TNR: variants seen among roughly 807,000 people sequenced by gnomAD.
TNR encodes the protein tenascin R, also known as tenascin-R.
A neutral mutation model predicts 150.4 loss-of-function variants in TNR; 45 were observed. The ratio of observed to expected loss-of-function variants is 0.30; its 90% CI spans 0.24 to 0.38. The LOEUF (loss-of-function observed/expected upper bound fraction) is 0.38. Among genes scored for constraint, TNR ranks in the 10% least tolerant of loss-of-function variants. TNR has a pLI of 1.00. For missense variants in TNR, 1,544 were observed against 1,759.1 expected (o/e 0.88, Z 2.19); for synonymous variants, 687 against 678.4 (o/e 1.01, Z -0.20).
At chr1:175,625,619 T>C (rs1003938585) in intron 1 of TNR, among the ~76,000 whole-genome samples, 2 of 152,234 alleles carry the variant, frequency 1.3e-5, no homozygotes, top group Admixed American at 6.5e-5. Context: ...CACCACCCTG[T>C]TCTCAATAGA....
chr1:175,403,128 T>G lies in TNR; in HGVS notation c.976+12A>C. 2 of 1,600,762 alleles carry G rather than the reference T, an allele frequency of 1.2e-6. No individual in the cohort carries two copies. Among genetic ancestry groups the G allele is most frequent in the Non-Finnish European group, 1.7e-6 (2 of 1,170,114 alleles). On this transcript the variant is annotated intron_variant, in intron 4 of 22. Coordinates refer to ENST00000367674, the MANE Select transcript of TNR (RefSeq NM_003285.3). Reference sequence around the variant, plus strand: ...ACCCTTGCCAAACACCCCAGAGAGTTCCCCTGCCTACCTGCTGAGCAGTCA... The same window carrying G: ...ACCCTTGCCAAACACCCCAGAGAGTGCCCCTGCCTACCTGCTGAGCAGTCA...
At chr1:175,581,794 A>T (rs540010794) in intron 1 of TNR, among the ~76,000 whole-genome samples, 1 of 152,182 alleles carries the variant, frequency 6.6e-6, no homozygotes, top group Non-Finnish European at 1.5e-5. Flanking sequence ...ATAAAGAAAG[A>T]TAAGGCTAGA....
At chr1:175,624,682 C>A (rs188907018) in intron 1 of TNR, among the ~76,000 whole-genome samples, 47 of 152,242 alleles carry the variant, frequency 3.1e-4, no homozygotes, top group African/African-American at 1.1e-3. Context: ...AACTGTCAGA[C>A]AATATAATTT....
intron 1 of TNR, among the ~76,000 whole-genome samples, chr1:175,649,241 T>C (rs1271391176): frequency 2.0e-5 from 3 of 152,184 alleles, no homozygotes; most frequent in African/African-American, 7.2e-5. Flanking sequence ...GATCTGCTGT[T>C]CCTTCTGCCT....
intron 1 of TNR, among the ~76,000 whole-genome samples, chr1:175,624,286 T>G (rs1350609159): frequency 1.3e-5 from 2 of 152,190 alleles, no homozygotes; most frequent in African/African-American, 4.8e-5. Flanking sequence ...GAGTGTGTGC[T>G]GGGTTGATCA....
At chr1:175,701,734 AG>A (rs1274075603) in intron 1 of TNR, among the ~76,000 whole-genome samples, 1 of 152,222 alleles carries the variant, frequency 6.6e-6, no homozygotes, top group East Asian at 1.9e-4. Flanking sequence ...GGGTGAGAGC[AG>A]GGTTTTCAGC....
chr1:175,510,688 T>C (rs772552397), intron 2 of TNR, among the ~76,000 whole-genome samples: 75 of 152,228 alleles, frequency 4.9e-4, no homozygotes, highest in Admixed American at 2.6e-4. Context: ...TATCTGGAAT[T>C]TCAAATCAAA....
At chr1:175,585,475 C>T (rs906418962) in intron 1 of TNR, among the ~76,000 whole-genome samples, 57 of 152,232 alleles carry the variant, frequency 3.7e-4, no homozygotes, top group African/African-American at 1.3e-3. Flanking sequence ...CTATTATTCC[C>T]ATTTTATGGA....
intron 1 of TNR, among the ~76,000 whole-genome samples, chr1:175,698,571 G>T (rs2101924915): frequency 6.6e-6 from 1 of 152,268 alleles, no homozygotes; most frequent in East Asian, 1.9e-4. Context: ...CGGGTGCAGT[G>T]GCTCATGCCT....
intron 1 of TNR, among the ~76,000 whole-genome samples, chr1:175,638,844 G>A (rs969121541): frequency 9.2e-5 from 14 of 152,004 alleles, no homozygotes; most frequent in African/African-American, 3.4e-4. Context: ...TCAAACAGAA[G>A]TATCAATTTT....
intron 9 of TNR, among the ~76,000 whole-genome samples, chr1:175,368,774 A>T (rs569508523): frequency 6.6e-6 from 1 of 152,150 alleles, no homozygotes; most frequent in Admixed American, 6.5e-5. Flanking sequence ...ATATGGTGAA[A>T]CCCATCTCTA....
chr1:175,674,184 C>A (rs1665788357), intron 1 of TNR, among the ~76,000 whole-genome samples: 1 of 152,110 alleles, frequency 6.6e-6, no homozygotes, highest in African/African-American at 2.4e-5. Flanking sequence ...AGGGAGGAGT[C>A]CTACCTGGGG....
chr1:175,594,897 G>T (rs1350981764), intron 1 of TNR, among the ~76,000 whole-genome samples: 1 of 151,422 alleles, frequency 6.6e-6, no homozygotes, highest in Non-Finnish European at 1.5e-5. Flanking sequence ...GGGCATGGTG[G>T]CTCAAGCCTG....
At position 175,613,256 on chromosome 1, in the gene TNR, C is replaced by T. The variant is rs192871583; in HGVS notation, c.-164-84887G>A. Reference sequence around the variant, plus strand: ...GGCTTCTGAGTCTCTGTAGCTAGGTCCTATTTTGCTAGCCAGGGCCCAAAT... The same window carrying T: ...GGCTTCTGAGTCTCTGTAGCTAGGTTCTATTTTGCTAGCCAGGGCCCAAAT... On this transcript the variant is annotated intron_variant, in intron 1 of 22. Transcript: ENST00000367674. 2.2e-4 allele frequency among the ~76,000 whole-genome samples: 34 copies of T among 152,224 alleles called. No individual in the cohort carries two copies. In the East Asian group the frequency reaches 6.2e-3, roughly 28 times the overall value.
chr1:175,426,173 G>C (rs958188253), intron 2 of TNR, among the ~76,000 whole-genome samples: 20 of 152,162 alleles, frequency 1.3e-4, no homozygotes, highest in African/African-American at 4.6e-4. Flanking sequence ...GTTTGGAGTG[G>C]TAGATTCCCT....
intron 5 of TNR, 115 bp downstream of exon 5, chr1:175,396,429 C>A (rs953230427): frequency 6.0e-6 from 8 of 1,340,046 alleles, no homozygotes; most frequent in Non-Finnish European, 8.2e-6. Context: ...CCCTCAAGGG[C>A]AATAACTATT....
At chr1:175,688,067 G>T (rs185622602) in intron 1 of TNR, among the ~76,000 whole-genome samples, 1 of 152,236 alleles carries the variant, frequency 6.6e-6, no homozygotes, top group African/African-American at 2.4e-5. Context: ...TTGGGAACAC[G>T]ATGGGAGAAC....
At position 175,702,969 on chromosome 1, in the gene TNR, A is replaced by G. The variant is rs927867705; in HGVS notation, c.-165+40257T>C. 2.0e-5 allele frequency among the ~76,000 whole-genome samples: 3 copies of G among 152,278 alleles called. No homozygotes were observed. The South Asian group carries it at 6.2e-4, about 32-fold the overall frequency. ...TCAAATATAGTAATCCAAAATATCC[A>G]TCTATAATTCTTAGCATCTGCTCTA... On this transcript the variant is annotated intron_variant, in intron 1 of 22. Transcript: ENST00000367674.
chr1:175,603,989 C>A (rs1214238111), intron 1 of TNR, among the ~76,000 whole-genome samples: 2 of 152,070 alleles, frequency 1.3e-5, no homozygotes, highest in Admixed American at 1.3e-4. Flanking sequence ...AATTTTTAAC[C>A]CTTGCTGTGG....
Sources: gnomAD v4.1 joint callset for allele counts (sites outside exome capture counted in the v4.1 genomes callset) on GRCh38, gnomAD v4.1.1 for gene constraint, MANE v1.5 for transcripts, NCBI Gene and HGNC (gene_info 2026-07-23, HGNC 2026-07-21) for gene names.